SPMAP2L: variants seen among roughly 807,000 people sequenced by gnomAD.
SPMAP2L encodes the protein sperm microtubule associated protein 2-like.
the SPMAP2L span, chr4:56,593,563 G>C: frequency 6.2e-7 from 1 of 1,602,260 alleles, no homozygotes; most frequent in Admixed American, 1.7e-5. Flanking sequence ...TGTGCATCTT[G>C]AGGCCACCGG....
chr4:56,594,950 C>T, the SPMAP2L span: 1,595 of 1,611,680 alleles, frequency 9.9e-4, 14 homozygotes, highest in African/African-American at 0.017. Context: ...AGGAGGTGGT[C>T]CTGGCATGGG....
the SPMAP2L span, among the ~76,000 whole-genome samples, chr4:56,538,220 C>T: frequency 6.6e-6 from 1 of 152,212 alleles, no homozygotes. Flanking sequence ...ATCACTCGCC[C>T]TCATGCTCAC....
At chr4:56,559,559 G>A in the SPMAP2L span, 1 of 1,431,078 alleles carries the variant, frequency 7.0e-7, no homozygotes, top group Non-Finnish European at 9.1e-7. Context: ...TTATCAGGAG[G>A]TTTTTTGTTG....
At chr4:56,571,334 T>G in the SPMAP2L span, among the ~76,000 whole-genome samples, 1 of 151,692 alleles carries the variant, frequency 6.6e-6, no homozygotes, top group Non-Finnish European at 1.5e-5. Context: ...AACTTTTTTT[T>G]TTTCAGAGGT....
At chr4:56,588,217 C>A in the SPMAP2L span, among the ~76,000 whole-genome samples, 3 of 151,994 alleles carry the variant, frequency 2.0e-5, no homozygotes, top group African/African-American at 7.2e-5. Context: ...GCATATTAGT[C>A]CTTTGTCAGA....
chr4:56,605,466 T>C, the SPMAP2L span, among the ~76,000 whole-genome samples: 2 of 152,310 alleles, frequency 1.3e-5, no homozygotes, highest in South Asian at 2.1e-4. Flanking sequence ...TTTGATCCCA[T>C]GGGAAAGTGA....
chr4:56,578,917 G>GA, the SPMAP2L span, among the ~76,000 whole-genome samples: 5 of 143,400 alleles, frequency 3.5e-5, no homozygotes, highest in South Asian at 2.2e-4. Context: ...ATCTCTACAA[G>GA]AAAAAAAAAA....
the SPMAP2L span, among the ~76,000 whole-genome samples, chr4:56,585,597 C>T: frequency 2.0e-3 from 310 of 152,216 alleles, 1 homozygote; most frequent in Admixed American, 0.017. Context: ...CCACCTTGAC[C>T]TCCCAAAATG....
the SPMAP2L span, among the ~76,000 whole-genome samples, chr4:56,611,632 C>T: frequency 3.3e-5 from 5 of 152,066 alleles, no homozygotes; most frequent in Non-Finnish European, 7.4e-5. Flanking sequence ...GAACAAAAGC[C>T]AGGCCACATA....
the SPMAP2L span, among the ~76,000 whole-genome samples, chr4:56,548,581 C>G: frequency 1.3e-3 from 196 of 152,236 alleles, no homozygotes; most frequent in African/African-American, 4.6e-3. Context: ...AGTAGATATT[C>G]TCTTATTTCC....
chr4:56,540,415 C>T, the SPMAP2L span, among the ~76,000 whole-genome samples: 7 of 152,084 alleles, frequency 4.6e-5, 1 homozygote, highest in African/African-American at 1.2e-4. Flanking sequence ...TGGTGGTGCA[C>T]GCCTGTAAGC....
At chr4:56,606,185 T>C in the SPMAP2L span, among the ~76,000 whole-genome samples, 1 of 152,194 alleles carries the variant, frequency 6.6e-6, no homozygotes, top group African/African-American at 2.4e-5. Context: ...TGAGTAGGAC[T>C]AACTAACCAA....
At chr4:56,577,982 AG>A in the SPMAP2L span, among the ~76,000 whole-genome samples, 10 of 152,194 alleles carry the variant, frequency 6.6e-5, no homozygotes, top group African/African-American at 1.9e-4. Context: ...TGTCCCAAAA[AG>A]GCAAAGACAT....
chr4:56,543,988 G>C, the SPMAP2L span, among the ~76,000 whole-genome samples: 15,221 of 145,508 alleles, frequency 0.1, 968 homozygotes, highest in East Asian at 0.19. Flanking sequence ...GAGAGAGAGA[G>C]AGAGAGAGAG....
the SPMAP2L span, among the ~76,000 whole-genome samples, chr4:56,576,126 T>G: frequency 0.17 from 25,793 of 152,072 alleles, 3,011 homozygotes; most frequent in African/African-American, 0.33. Flanking sequence ...TGTACAGTTG[T>G]GGAGAGGTGA....
chr4:56,536,632 T>C, the SPMAP2L span, among the ~76,000 whole-genome samples: 33 of 152,322 alleles, frequency 2.2e-4, no homozygotes, highest in Non-Finnish European at 1.5e-4. Context: ...AATCCAATGG[T>C]TTCTTCTCTA....
the SPMAP2L span, among the ~76,000 whole-genome samples, chr4:56,543,349 C>T: frequency 0.11 from 16,276 of 152,074 alleles, 947 homozygotes; most frequent in East Asian, 0.2. Context: ...TCCCAAAGTG[C>T]TCGGATTACA....
At chr4:56,553,808 A>T in the SPMAP2L span, among the ~76,000 whole-genome samples, 15 of 152,284 alleles carry the variant, frequency 9.9e-5, no homozygotes, top group Non-Finnish European at 4.4e-5. Flanking sequence ...CGCCCTAAAA[A>T]TTACCTGTGT....
the SPMAP2L span, among the ~76,000 whole-genome samples, chr4:56,568,547 T>C: frequency 2.0e-5 from 3 of 152,200 alleles, no homozygotes. Flanking sequence ...TATAATTTAG[T>C]ATAAAAGTAT....
Sources: allele counts gnomAD v4.1 joint callset (sites outside exome capture counted in the v4.1 genomes callset), GRCh38; gene constraint gnomAD v4.1.1; transcripts MANE v1.5; gene names NCBI Gene and HGNC (gene_info 2026-07-23, HGNC 2026-07-21).